Variants in SGCZ observed in about 807,000 individuals in gnomAD.
SGCZ encodes the protein sarcoglycan zeta.
Under a neutral mutation model 41.3 loss-of-function variants are expected in SGCZ, and 40 were observed. The ratio of observed to expected loss-of-function variants is 0.97; its 90% CI spans 0.75 to 1.26. The LOEUF (loss-of-function observed/expected upper bound fraction) is 1.26, where lower values mean the gene tolerates loss of function less well. Ranked by LOEUF, SGCZ falls within the 50% of genes most tolerant of loss-of-function variation. SGCZ has a pLI of 0.00. For synonymous variants in SGCZ, 206 were observed against 137.5 expected (o/e 1.50, Z -3.49); for missense variants, 552 against 369.8 (o/e 1.49, Z -4.04).
Position 14,326,111 on chromosome 8 carries a change from C to CAAAAAAAAAAA in SGCZ, c.235-1918_235-1908dup, listed in dbSNP as rs56152915. On this transcript the variant is annotated intron_variant, in intron 2 of 7. Transcript: ENST00000382080. ...TGGGCGAAAGAGTGAGACTCCGTCT[C>CAAAAAAAAAAA]AAAAAAAAAAAAAAAAAAAGATGAG... 4.0e-3 allele frequency among the ~76,000 whole-genome samples: 151 copies of CAAAAAAAAAAA among 37,900 alleles called. 48 individuals are homozygous for CAAAAAAAAAAA. Among genetic ancestry groups the CAAAAAAAAAAA allele is most frequent in the African/African-American group, 0.01 (100 of 9,748 alleles). The allele number at this position is 37,900 out of a possible 152,430, so 24.9% of individuals were successfully genotyped here. A position where few individuals can be genotyped will look rare whatever the true frequency, so the allele number is the denominator to read the frequency against.
intron 1 of SGCZ, among the ~76,000 whole-genome samples, chr8:14,871,853 T>C (rs531036441): frequency 7.3e-5 from 11 of 150,862 alleles, no homozygotes; most frequent in Non-Finnish European, 1.6e-4. Context: ...TGTATATATA[T>C]GCATGTATGT....
intron 2 of SGCZ, among the ~76,000 whole-genome samples, chr8:14,462,634 T>A (rs1304785852): frequency 6.6e-6 from 1 of 152,054 alleles, no homozygotes; most frequent in Non-Finnish European, 1.5e-5. Flanking sequence ...TAAAGTAAGT[T>A]TTGAAACCGG....
chr8:15,144,695 G>T (rs936574214), intron 1 of SGCZ, among the ~76,000 whole-genome samples: 11 of 152,140 alleles, frequency 7.2e-5, no homozygotes, highest in East Asian at 1.9e-4. Flanking sequence ...ACCTCAGGTG[G>T]TCTGCCCATC....
chr8:14,534,690 G>GA (rs966498393), intron 2 of SGCZ, among the ~76,000 whole-genome samples: 17 of 151,530 alleles, frequency 1.1e-4, no homozygotes, highest in African/African-American at 4.1e-4. Flanking sequence ...AGGGTACAAG[G>GA]TAACAATATC....
intron 1 of SGCZ, among the ~76,000 whole-genome samples, chr8:14,642,404 C>G (rs1428681253): frequency 1.3e-5 from 2 of 151,614 alleles, no homozygotes; most frequent in Non-Finnish European, 3.0e-5. Flanking sequence ...AGACAAATCT[C>G]TTTCCTTATT....
chr8:14,365,062 T>C (rs890851247), intron 2 of SGCZ, among the ~76,000 whole-genome samples: 2 of 152,094 alleles, frequency 1.3e-5, no homozygotes, highest in African/African-American at 4.8e-5. Context: ...TTTTAAGTAA[T>C]AAGCAATTTT....
At chr8:14,779,853 A>C (rs1800530883) in intron 1 of SGCZ, among the ~76,000 whole-genome samples, 3 of 152,226 alleles carry the variant, frequency 2.0e-5, no homozygotes, top group African/African-American at 7.2e-5. Flanking sequence ...ATTATTAATA[A>C]TTGCATTTAA....
rs149806306 is a variant in SGCZ, at chr8:14,494,792, G to A, written c.234+59940C>T. On this transcript the variant is annotated intron_variant, in intron 2 of 7. Coordinates refer to ENST00000382080, the MANE Select transcript of SGCZ (RefSeq NM_139167.4). ...ATGGCTTTCAGATGGTTGTGTAGCTGGTTTTTGCAGTAGCCTGCAGTGGCT... is the reference window on the plus strand; with the variant it reads ...ATGGCTTTCAGATGGTTGTGTAGCTAGTTTTTGCAGTAGCCTGCAGTGGCT... Among the ~76,000 whole-genome samples the A allele has an allele frequency of 5.4e-3, 826 of 152,200 alleles. 24 individuals are homozygous for A. Among genetic ancestry groups the A allele is most frequent in the Admixed American group, 0.045 (685 of 15,282 alleles).
intron 1 of SGCZ, among the ~76,000 whole-genome samples, chr8:14,832,961 A>T (rs1182155670): frequency 6.6e-6 from 1 of 152,054 alleles, no homozygotes; most frequent in Non-Finnish European, 1.5e-5. Flanking sequence ...GAATTTTAAA[A>T]TATTTCTATA....
At chr8:14,574,275 CT>C (rs1302822290) in intron 1 of SGCZ, among the ~76,000 whole-genome samples, 2 of 152,154 alleles carry the variant, frequency 1.3e-5, no homozygotes, top group Non-Finnish European at 2.9e-5. Context: ...TGACTTTGTC[CT>C]ACCCTCAATC....
intron 1 of SGCZ, among the ~76,000 whole-genome samples, chr8:14,880,183 T>A (rs1804534805): frequency 6.6e-6 from 1 of 152,146 alleles, no homozygotes; most frequent in African/African-American, 2.4e-5. Flanking sequence ...TGCTCCTGTA[T>A]GGCATTCTAC....
At chr8:14,448,133 T>C (rs1355771653) in intron 2 of SGCZ, among the ~76,000 whole-genome samples, 1 of 152,182 alleles carries the variant, frequency 6.6e-6, no homozygotes, top group Admixed American at 6.5e-5. Context: ...GGAATGTAGA[T>C]GCTAAGAAGA....
chr8:15,226,853 G>C (rs963384840), intron 1 of SGCZ, among the ~76,000 whole-genome samples: 2 of 152,210 alleles, frequency 1.3e-5, no homozygotes, highest in Non-Finnish European at 1.5e-5. Flanking sequence ...TATACAGTGT[G>C]ATGGTCTTAA....
At chr8:14,233,819 T>C (rs1344717872) in intron 4 of SGCZ, among the ~76,000 whole-genome samples, 1 of 151,750 alleles carries the variant, frequency 6.6e-6, no homozygotes, top group African/African-American at 2.4e-5. Flanking sequence ...TAATTATAGA[T>C]TAAATAGAAA....
At chr8:14,949,297 GA>G (rs1350427590) in intron 1 of SGCZ, among the ~76,000 whole-genome samples, 10 of 152,098 alleles carry the variant, frequency 6.6e-5, no homozygotes, top group South Asian at 2.1e-4. Flanking sequence ...ATTCTCTAGG[GA>G]AAAGTAGTAA....
chr8:14,507,282 T>C (rs1189672064), intron 2 of SGCZ, among the ~76,000 whole-genome samples: 1 of 152,128 alleles, frequency 6.6e-6, no homozygotes, highest in Non-Finnish European at 1.5e-5. Flanking sequence ...TTTCTTACAC[T>C]CCCATAGCAT....
chr8:14,395,185 T>C (rs1397076554), intron 2 of SGCZ, among the ~76,000 whole-genome samples: 1 of 152,232 alleles, frequency 6.6e-6, no homozygotes, highest in Non-Finnish European at 1.5e-5. Flanking sequence ...ACTTCTTTTA[T>C]GTACTGTAAA....
intron 1 of SGCZ, among the ~76,000 whole-genome samples, chr8:14,912,973 T>C (rs1162417679): frequency 6.6e-6 from 1 of 152,058 alleles, no homozygotes. Context: ...TCTTGTTTGG[T>C]TTTAGTTAGT....
At chr8:14,145,433 C>G (rs940410310) in intron 5 of SGCZ, among the ~76,000 whole-genome samples, 2 of 152,158 alleles carry the variant, frequency 1.3e-5, no homozygotes, top group Admixed American at 6.5e-5. Flanking sequence ...ACACCCAAGT[C>G]CTTTCAAATA....
Sources: gnomAD v4.1 joint callset for allele counts (sites outside exome capture counted in the v4.1 genomes callset) on GRCh38, gnomAD v4.1.1 for gene constraint, MANE v1.5 for transcripts, NCBI Gene and HGNC (gene_info 2026-07-23, HGNC 2026-07-21) for gene names.